IQCJ: variants seen among roughly 807,000 people sequenced by gnomAD.
IQCJ encodes IQ domain-containing protein J.
Under a neutral mutation model 11.0 loss-of-function variants are expected in IQCJ, and 9 were observed. The ratio of observed to expected loss-of-function variants is 0.82; its 90% CI spans 0.49 to 1.43. IQCJ has a LOEUF of 1.43. Among genes scored for constraint, IQCJ ranks in the 40% most tolerant of loss-of-function variants. IQCJ has a pLI of 0.00. For synonymous variants in IQCJ, 55 were observed against 51.3 expected, an observed-to-expected ratio of 1.07 and a Z score of -0.31; for missense variants, 146 against 133.2, an observed-to-expected ratio of 1.10 and a Z score of -0.47.
chr3:159,088,771 G>C (rs1305430959), intron 1 of IQCJ, among the ~76,000 whole-genome samples: 4 of 151,794 alleles, frequency 2.6e-5, no homozygotes, highest in African/African-American at 9.7e-5. Flanking sequence ...CCATTTGCTT[G>C]GTAGATCTTC....
At chr3:159,245,735 G>C (rs746562749) in intron 1 of IQCJ, 108 bp from the exon 2 acceptor site, 3 of 946,728 alleles carry the variant, frequency 3.2e-6, no homozygotes, top group Non-Finnish European at 4.8e-6. Flanking sequence ...GTGCAGTCCA[G>C]AACTCTTAAT....
chr3:159,121,512 C>G (rs147267463), intron 1 of IQCJ, among the ~76,000 whole-genome samples: 9 of 152,112 alleles, frequency 5.9e-5, no homozygotes, highest in African/African-American at 2.2e-4. Context: ...TTTGATAATT[C>G]AGAAATTTCA....
chr3:159,265,391 C>G, downstream of IQCJ: 1 of 1,612,850 alleles, frequency 6.2e-7, no homozygotes, highest in Non-Finnish European at 8.5e-7. Flanking sequence ...TTGGTTTTCT[C>G]ACCCTCCAGT....
chr3:159,216,468 C>T (rs7636873), intron 1 of IQCJ, among the ~76,000 whole-genome samples: 3,083 of 152,198 alleles, frequency 0.02, 113 homozygotes, highest in African/African-American at 0.071. Context: ...CAGGGCATTG[C>T]CAGCAACACC....
intron 1 of IQCJ, among the ~76,000 whole-genome samples, chr3:159,223,360 AT>A (rs1458536533): frequency 1.3e-5 from 2 of 152,170 alleles, no homozygotes; most frequent in African/African-American, 4.8e-5. Flanking sequence ...GAAATGGGGG[AT>A]AAAAAGGAGT....
At chr3:159,121,596 T>C (rs1254262766) in intron 1 of IQCJ, among the ~76,000 whole-genome samples, 1 of 152,234 alleles carries the variant, frequency 6.6e-6, no homozygotes, top group Admixed American at 6.5e-5. Context: ...TGAGCTCCAG[T>C]TGGCTGCTGG....
intron 2 of IQCJ, among the ~76,000 whole-genome samples, chr3:159,248,063 T>C (rs899378161): frequency 6.6e-6 from 1 of 152,218 alleles, no homozygotes; most frequent in African/African-American, 2.4e-5. Context: ...GTCTGATGCC[T>C]CTTTCTACTC....
intron 1 of IQCJ, among the ~76,000 whole-genome samples, chr3:159,186,742 G>T (rs1723393326): frequency 4.6e-5 from 7 of 152,204 alleles, no homozygotes; most frequent in Admixed American, 4.6e-4. Context: ...GTTGCTTCCT[G>T]TCTAGCAAGG....
At chr3:159,162,569 T>A (rs1721926315) in intron 1 of IQCJ, among the ~76,000 whole-genome samples, 1 of 152,158 alleles carries the variant, frequency 6.6e-6, no homozygotes, top group Non-Finnish European at 1.5e-5. Context: ...CAACACTATG[T>A]TGAATAGGAG....
intron 1 of IQCJ, among the ~76,000 whole-genome samples, chr3:159,200,119 A>ATATATATATATATATATATATATATATC (rs1438955586): frequency 1.4e-5 from 2 of 146,124 alleles, no homozygotes; most frequent in African/African-American, 5.2e-5. Flanking sequence ...ATATATATAT[A>ATATATATATATATATATATATATATATC]TCACTTTGAA....
At chr3:159,200,038 A>T (rs1724220152) in intron 1 of IQCJ, among the ~76,000 whole-genome samples, 2 of 141,628 alleles carry the variant, frequency 1.4e-5, no homozygotes, top group African/African-American at 5.4e-5. Flanking sequence ...GACTATATAT[A>T]TATATATATA....
At chr3:159,210,271 T>C (rs1029505798) in intron 1 of IQCJ, among the ~76,000 whole-genome samples, 1 of 152,210 alleles carries the variant, frequency 6.6e-6, no homozygotes, top group Admixed American at 6.5e-5. Flanking sequence ...ACAATGTCAG[T>C]AATAAAATGA....
intron 1 of IQCJ, among the ~76,000 whole-genome samples, chr3:159,192,687 A>T (rs1723759657): frequency 6.6e-6 from 1 of 152,188 alleles, no homozygotes; most frequent in South Asian, 2.1e-4. Flanking sequence ...GAGAAATTAT[A>T]TTGTGCATTA....
intron 1 of IQCJ, among the ~76,000 whole-genome samples, chr3:159,216,962 C>T (rs2108107339): frequency 6.6e-6 from 1 of 152,226 alleles, no homozygotes; most frequent in East Asian, 1.9e-4. Context: ...GCTCAATTAT[C>T]TCTCCTTTTT....
intron 1 of IQCJ, among the ~76,000 whole-genome samples, chr3:159,123,387 C>A (rs966925446): frequency 6.6e-6 from 1 of 152,140 alleles, no homozygotes; most frequent in Non-Finnish European, 1.5e-5. Flanking sequence ...GACATACATG[C>A]TCCTCTTAGA....
chr3:159,231,761 G>A (rs143896886), intron 1 of IQCJ, among the ~76,000 whole-genome samples: 95 of 152,154 alleles, frequency 6.2e-4, no homozygotes, highest in African/African-American at 2.2e-3. Context: ...GTCTGGTCCC[G>A]GGCTTTTATT....
At chr3:159,090,250 G>C (rs538708254) in intron 1 of IQCJ, among the ~76,000 whole-genome samples, 1 of 151,708 alleles carries the variant, frequency 6.6e-6, no homozygotes, top group Non-Finnish European at 1.5e-5. Flanking sequence ...AGGGGTCAGG[G>C]GTCAGGGACC....
At chr3:159,173,180 C>T (rs189223487) in intron 1 of IQCJ, among the ~76,000 whole-genome samples, 5 of 152,284 alleles carry the variant, frequency 3.3e-5, no homozygotes, top group Admixed American at 1.3e-4. Context: ...CCTTGAATAT[C>T]GCACAGAGCT....
chr3:159,235,591 A>G (rs988547721), intron 1 of IQCJ, among the ~76,000 whole-genome samples: 9 of 152,182 alleles, frequency 5.9e-5, no homozygotes, highest in Non-Finnish European at 1.3e-4. Flanking sequence ...GCTGGCTTGA[A>G]TGATCTAGCT....
Sources: gnomAD v4.1 joint callset for allele counts (sites outside exome capture counted in the v4.1 genomes callset) on GRCh38, gnomAD v4.1.1 for gene constraint, MANE v1.5 for transcripts, NCBI Gene and HGNC (gene_info 2026-07-23, HGNC 2026-07-21) for gene names.